The following DRD2 variants were observed in gnomAD, a reference collection of about 807,000 sequenced individuals.
DRD2 encodes the protein D(2) dopamine receptor.
DRD2 carries 8 observed loss-of-function variants against 38.0 expected under a neutral mutation model. The ratio of observed to expected loss-of-function variants is 0.21; its 90% CI spans 0.12 to 0.38. The LOEUF (loss-of-function observed/expected upper bound fraction) is 0.38. Among genes scored for constraint, DRD2 ranks in the 10% least tolerant of loss-of-function variants. The pLI is 1.00. For missense variants in DRD2, 403 were observed against 607.7 expected (o/e 0.66, Z 3.54); for synonymous variants, 230 against 238.6 (o/e 0.96, Z 0.33).
intron 1 of DRD2, among the ~76,000 whole-genome samples, chr11:113,468,306 T>A (rs1951389251): frequency 6.6e-6 from 1 of 152,226 alleles, no homozygotes; most frequent in South Asian, 2.1e-4. Flanking sequence ...TATGGTGTTG[T>A]TTTTAAAGGG....
chr11:113,415,107 A>C (rs1256439227), intron 5 of DRD2, among the ~76,000 whole-genome samples: 1 of 152,126 alleles, frequency 6.6e-6, no homozygotes, highest in Admixed American at 6.5e-5. Context: ...GAGACAGAGA[A>C]ACCAGAAAAG....
At chr11:113,421,443 C>T (rs1950883099) in intron 2 of DRD2, among the ~76,000 whole-genome samples, 1 of 152,146 alleles carries the variant, frequency 6.6e-6, no homozygotes, top group Non-Finnish European at 1.5e-5. Flanking sequence ...TCTCAATCTC[C>T]TCATCTAGAA....
intron 1 of DRD2, among the ~76,000 whole-genome samples, chr11:113,461,746 T>C (rs1044233192): frequency 3.9e-5 from 6 of 152,198 alleles, no homozygotes; most frequent in African/African-American, 1.2e-4. Context: ...TAATAAATGC[T>C]TGTAGAATGA....
intron 1 of DRD2, among the ~76,000 whole-genome samples, chr11:113,429,711 CCA>C (rs1303402094): frequency 1.3e-5 from 2 of 152,124 alleles, no homozygotes; most frequent in Non-Finnish European, 2.9e-5. Context: ...AAATCCACTG[CCA>C]CAGAGAAGGT....
intron 5 of DRD2, 79 bp from the exon 6 acceptor site, chr11:113,414,540 A>T (rs1404697821): frequency 2.7e-6 from 4 of 1,475,594 alleles, no homozygotes; most frequent in Non-Finnish European, 3.8e-6. Flanking sequence ...GCAGCAGTCC[A>T]TGGAACTCAG....
chr11:113,468,452 T>C (rs911686922), intron 1 of DRD2, among the ~76,000 whole-genome samples: 1 of 152,260 alleles, frequency 6.6e-6, no homozygotes, highest in African/African-American at 2.4e-5. Flanking sequence ...AAATAACTGA[T>C]GAGCAGGTTA....
intron 1 of DRD2, chr11:113,425,049 T>C (rs962823862): frequency 3.7e-5 from 11 of 294,100 alleles, no homozygotes; most frequent in Non-Finnish European, 6.5e-5. Flanking sequence ...TGGGTATTCA[T>C]TCATTCTTGA....
At chr11:113,441,191 G>A (rs1190314838) in intron 1 of DRD2, among the ~76,000 whole-genome samples, 1 of 152,232 alleles carries the variant, frequency 6.6e-6, no homozygotes, top group African/African-American at 2.4e-5. Flanking sequence ...TGAGCCACAT[G>A]CCATAAGCCC....
intron 1 of DRD2, among the ~76,000 whole-genome samples, chr11:113,430,073 T>C (rs908158363): frequency 2.6e-5 from 4 of 152,238 alleles, no homozygotes; most frequent in South Asian, 2.1e-4. Flanking sequence ...GAGGTCCTCC[T>C]GGGCCCACTG....
At chr11:113,413,715 GTTCTCC>G (rs1950793569) in intron 6 of DRD2, 1 of 221,406 alleles carries the variant, frequency 4.5e-6, no homozygotes, top group Non-Finnish European at 9.3e-6. Context: ...CTCTGGCCCT[GTTCTCC>G]ATCCCTCTGG....
chr11:113,472,299 CA>C (rs1430102073), intron 1 of DRD2, among the ~76,000 whole-genome samples: 3 of 152,334 alleles, frequency 2.0e-5, no homozygotes, highest in African/African-American at 7.2e-5. Flanking sequence ...GCAGAGTCCC[CA>C]CGTCTTTCCC....
Position 113,416,914 on chromosome 11 carries a change from C to A in DRD2, c.481G>T (p.Val161Phe), listed in dbSNP as rs1950833213. 6.2e-7 allele frequency: 1 copy of A among 1,614,078 alleles called. No homozygotes were observed. Among genetic ancestry groups the A allele is most frequent in the African/African-American group, 1.3e-5 (1 of 74,948 alleles). Reference sequence around the variant, plus strand: ...GGGCAGGAGATGGTGAAGGACAGGACCCAGACGATGGAGATCATGACGGTG... The same window carrying A: ...GGGCAGGAGATGGTGAAGGACAGGAACCAGACGATGGAGATCATGACGGTG... ...RVTVMISIVWVLSFTISCPLL... is the reference protein window; with the variant it reads ...RVTVMISIVWFLSFTISCPLL... Residue 161 changes from valine (V) to phenylalanine (F), a missense_variant, in exon 4 of 8, where the codon GTC (valine) becomes TTC (phenylalanine). By Grantham distance (50) the Val-to-Phe change is conservative (BLOSUM62 -1). Coordinates refer to ENST00000362072, the MANE Select transcript of DRD2 (RefSeq NM_000795.4).
intron 7 of DRD2, chr11:113,411,637 G>T (rs559875937): frequency 6.6e-6 from 1 of 152,518 alleles, no homozygotes; most frequent in Non-Finnish European, 1.5e-5. Flanking sequence ...AGACTGAATG[G>T]TGTCTGGGAA....
intron 1 of DRD2, among the ~76,000 whole-genome samples, chr11:113,443,089 A>G (rs981127056): frequency 2.6e-5 from 4 of 152,076 alleles, no homozygotes; most frequent in Admixed American, 6.6e-5. Flanking sequence ...TTCAACTTCT[A>G]TTTCAGAAAA....
Position 113,410,767 on chromosome 11 carries a change from A to T in DRD2, c.1292T>A (p.Ile431Asn), listed in dbSNP as rs376186482. Residue 431 changes from isoleucine (I) to asparagine (N), a missense_variant, in exon 8 of 8, where the codon ATT becomes AAT. This residue lies in a region of DRD2 where 67 missense variants were observed against 136.1 expected (regional missense o/e 0.49). Coordinates refer to ENST00000362072, the MANE Select transcript of DRD2 (RefSeq NM_000795.4). ...VNPIIYTTFN[I>N]EFRKAFLKIL... is the part of the protein sequence containing the mutation. ...CTTCAGGAAGGCCTTGCGGAACTCA[A>T]TGTTGAAGGTGGTGTAGATGATGGG... is the stretch of plus-strand genomic sequence containing the variant. 6.2e-7 allele frequency: 1 copy of T among 1,614,200 alleles called. No individual in the cohort carries two copies. Among genetic ancestry groups the T allele is most frequent in the African/African-American group, 1.3e-5 (1 of 75,046 alleles).
chr11:113,452,434 G>C (rs901191441), intron 1 of DRD2, among the ~76,000 whole-genome samples: 7 of 109,658 alleles, frequency 6.4e-5, no homozygotes, highest in Non-Finnish European at 1.4e-4. Context: ...TGGTGTGCAT[G>C]CGTGTGTGTG....
intron 2 of DRD2, among the ~76,000 whole-genome samples, chr11:113,422,492 A>G (rs1950895372): frequency 6.6e-6 from 1 of 152,156 alleles, no homozygotes; most frequent in African/African-American, 2.4e-5. Flanking sequence ...AAGAGGGAAG[A>G]AGGAGGGGAT....
Position 113,415,420 on chromosome 11 carries a change from C to G in DRD2, c.723+1G>C, listed in dbSNP as rs770234535. 6.2e-7 allele frequency: 1 copy of G among 1,611,296 alleles called. No individual in the cohort carries two copies. The highest frequency in any genetic ancestry group is 1.1e-5 in the South Asian group (1 of 90,720). ...GAGTTGGTTGGGGGGTGTCTTGAGA[C>G]CTTTAGTGGAGCCCTCAGGTGGGCC... is the stretch of plus-strand genomic sequence containing the variant. On this transcript the variant is annotated splice_donor_variant, in intron 5 of 7. Coordinates refer to ENST00000362072, the MANE Select transcript of DRD2 (RefSeq NM_000795.4). LOFTEE classifies it high-confidence loss of function.
intron 1 of DRD2, among the ~76,000 whole-genome samples, chr11:113,460,521 A>C (rs1951307795): frequency 6.6e-6 from 1 of 152,172 alleles, no homozygotes; most frequent in Non-Finnish European, 1.5e-5. Context: ...CCTTTTCTAG[A>C]CAGAAGAATG....
Sources: gnomAD v4.1 joint callset for allele counts (sites outside exome capture counted in the v4.1 genomes callset) on GRCh38, gnomAD v4.1.1 for gene constraint, gnomAD v4.1.1 regional missense constraint, MANE v1.5 for transcripts, NCBI Gene and HGNC (gene_info 2026-07-23, HGNC 2026-07-21) for gene names.